Variants in RAD51B observed in about 807,000 individuals in gnomAD.
RAD51B encodes the protein RAD51 paralog B.
RAD51B carries 38 observed loss-of-function variants against 42.2 expected under a neutral mutation model. That is an observed-to-expected ratio of 0.90 (90% CI 0.70 to 1.18). The LOEUF (loss-of-function observed/expected upper bound fraction) is 1.18. Among genes scored for constraint, RAD51B ranks in the 50% most tolerant of loss-of-function variants. The probability of loss-of-function intolerance (pLI) is 0.00; values close to 1 mark genes in which losing one functional copy is unlikely to be tolerated. For missense variants in RAD51B, 373 were observed against 400.7 expected (o/e 0.93, Z 0.59); for synonymous variants, 154 against 145.2 (o/e 1.06, Z -0.43).
intron 8 of RAD51B, among the ~76,000 whole-genome samples, chr14:68,336,461 A>G (rs1017678465): frequency 2.6e-5 from 4 of 152,244 alleles, no homozygotes; most frequent in Non-Finnish European, 4.4e-5. Flanking sequence ...GGGGCTACCC[A>G]TGGGAGATGT....
At chr14:68,321,888 C>A (rs929822764) in intron 8 of RAD51B, among the ~76,000 whole-genome samples, 2 of 152,022 alleles carry the variant, frequency 1.3e-5, no homozygotes, top group Non-Finnish European at 2.9e-5. Flanking sequence ...GTAGCTGGGA[C>A]CACAGCTACT....
At chr14:68,229,429 G>A (rs1476838944) in intron 7 of RAD51B, among the ~76,000 whole-genome samples, 2 of 152,138 alleles carry the variant, frequency 1.3e-5, no homozygotes, top group Non-Finnish European at 2.9e-5. Flanking sequence ...AGAATAGTAC[G>A]TGCTAAGAAG....
chr14:68,096,657 T>C (rs538444850), intron 7 of RAD51B, among the ~76,000 whole-genome samples: 1 of 152,308 alleles, frequency 6.6e-6, no homozygotes, highest in African/African-American at 2.4e-5. Context: ...TCTTCTCAGA[T>C]CTCAAGGTCA....
intron 7 of RAD51B, chr14:68,236,147 A>G (rs773395934): frequency 1.1e-4 from 17 of 152,180 alleles, no homozygotes; most frequent in Non-Finnish European, 2.4e-4. Flanking sequence ...TCTGTGCACT[A>G]AACTCCCATG....
chr14:68,397,924 G>C (rs138583452), intron 8 of RAD51B, among the ~76,000 whole-genome samples: 4 of 152,142 alleles, frequency 2.6e-5, no homozygotes, highest in African/African-American at 9.7e-5. Context: ...TCAGAGCCTC[G>C]AGGGCAGCAA....
intron 5 of RAD51B, among the ~76,000 whole-genome samples, chr14:67,871,848 C>T (rs1266954849): frequency 6.6e-6 from 1 of 152,188 alleles, no homozygotes; most frequent in Non-Finnish European, 1.5e-5. Context: ...ACATGATTAT[C>T]TCAATAGATG....
intron 4 of RAD51B, 22 bp downstream of exon 4, chr14:67,835,218 C>T (rs1443949730): frequency 1.3e-6 from 2 of 1,536,768 alleles, no homozygotes; most frequent in Non-Finnish European, 1.8e-6. Flanking sequence ...ATTTTTCGTA[C>T]CTTCTTCCAT....
At chr14:68,232,678 G>C (rs1452274529) in intron 7 of RAD51B, among the ~76,000 whole-genome samples, 2 of 152,172 alleles carry the variant, frequency 1.3e-5, no homozygotes, top group South Asian at 4.1e-4. Context: ...TATTGTCAGA[G>C]GTAAATCACC....
intron 4 of RAD51B, among the ~76,000 whole-genome samples, chr14:67,837,328 C>G (rs2041278038): frequency 6.6e-6 from 1 of 150,980 alleles, no homozygotes; most frequent in African/African-American, 2.5e-5. Context: ...ATTTAAATAG[C>G]AAAAACATTG....
intron 4 of RAD51B, among the ~76,000 whole-genome samples, chr14:67,857,279 T>C (rs1206331226): frequency 3.9e-5 from 6 of 152,178 alleles, no homozygotes; most frequent in Admixed American, 3.9e-4. Context: ...AAATTAGAAA[T>C]TGTTTATTAT....
intron 3 of RAD51B, among the ~76,000 whole-genome samples, chr14:67,826,894 A>G (rs923472458): frequency 1.3e-5 from 2 of 151,992 alleles, no homozygotes; most frequent in Non-Finnish European, 2.9e-5. Flanking sequence ...CATAGCCTAG[A>G]CTGTTCTTGA....
At chr14:68,017,394 C>T (rs1404299076) in intron 7 of RAD51B, among the ~76,000 whole-genome samples, 1 of 151,978 alleles carries the variant, frequency 6.6e-6, no homozygotes, top group Non-Finnish European at 1.5e-5. Flanking sequence ...CAAGGTTTCA[C>T]CGTGTTGCCT....
intron 7 of RAD51B, among the ~76,000 whole-genome samples, chr14:68,055,358 A>G (rs533240299): frequency 6.6e-6 from 1 of 152,300 alleles, no homozygotes; most frequent in East Asian, 1.9e-4. Context: ...TTTTTCCCTT[A>G]ATGTAGGTAG....
chr14:67,979,121 G>A (rs898846823), intron 7 of RAD51B, among the ~76,000 whole-genome samples: 1 of 152,194 alleles, frequency 6.6e-6, no homozygotes, highest in Non-Finnish European at 1.5e-5. Context: ...TTGGCAATGG[G>A]AGCCCCTCAG....
rs980585388 is a variant in RAD51B, at chr14:68,487,915, A to G, written c.1036+19665A>G. Among the ~76,000 whole-genome samples the G allele has an allele frequency of 2.6e-5, 4 of 152,166 alleles. 1 individual carries two copies. The highest frequency in any genetic ancestry group is 1.3e-4 in the Admixed American group (2 of 15,276). On this transcript the variant is annotated intron_variant, in intron 10 of 10. Coordinates refer to the RAD51B transcript ENST00000487270. ...CACAGCTCAGTTCATAACACCTACC[A>G]TAACTGTTTTCCTCACAGAACATCC... is the stretch of plus-strand genomic sequence containing the variant.
At chr14:68,665,357 AG>A (rs1474802433) in intron 11 of RAD51B, among the ~76,000 whole-genome samples, 1 of 152,260 alleles carries the variant, frequency 6.6e-6, no homozygotes, top group African/African-American at 2.4e-5. Flanking sequence ...TTAAAAGACA[AG>A]GATCGAGCTT....
At chr14:68,612,705 T>C (rs920570540), downstream of RAD51B, among the ~76,000 whole-genome samples, 3 of 152,134 alleles carry the variant, frequency 2.0e-5, no homozygotes, top group African/African-American at 7.2e-5. Flanking sequence ...TGGTGATGGC[T>C]GGACATCAGT....
chr14:68,532,011 C>T (rs1412394197), intron 10 of RAD51B, among the ~76,000 whole-genome samples: 1 of 152,078 alleles, frequency 6.6e-6, no homozygotes, highest in East Asian at 1.9e-4. Flanking sequence ...CAAAGTCCAA[C>T]AATAGAGAAT....
intron 11 of RAD51B, among the ~76,000 whole-genome samples, chr14:68,669,591 T>C (rs1460299007): frequency 6.6e-6 from 1 of 151,764 alleles, no homozygotes; most frequent in African/African-American, 2.4e-5. Flanking sequence ...ATTCCAGGCA[T>C]GCAAGGCTTT....
Sources: gnomAD v4.1 joint callset for allele counts (sites outside exome capture counted in the v4.1 genomes callset) on GRCh38, gnomAD v4.1.1 for gene constraint, MANE v1.5 for transcripts, NCBI Gene and HGNC (gene_info 2026-07-23, HGNC 2026-07-21) for gene names.